DKK2: variants seen among roughly 807,000 people sequenced by gnomAD.
DKK2 encodes the protein dickkopf Wnt signaling pathway inhibitor 2.
Under a neutral mutation model 28.1 loss-of-function variants are expected in DKK2, and 11 were observed. The observed-to-expected ratio is 0.39, with a 90% CI of 0.25 to 0.65. DKK2 has a LOEUF of 0.65. Ranked by LOEUF, DKK2 falls within the 30% of genes least tolerant of loss-of-function variation. The pLI is 0.47. For synonymous variants in DKK2, 135 were observed against 126.5 expected (o/e 1.07, Z -0.45); for missense variants, 326 against 335.5 (o/e 0.97, Z 0.22).
At chr4:106,987,036 G>T (rs1723129585) in intron 1 of DKK2, among the ~76,000 whole-genome samples, 1 of 152,156 alleles carries the variant, frequency 6.6e-6, no homozygotes, top group Non-Finnish European at 1.5e-5. Context: ...AATAGCAAAG[G>T]CAGATTTTTT....
intron 1 of DKK2, among the ~76,000 whole-genome samples, chr4:107,013,636 A>C (rs559516029): frequency 6.6e-6 from 1 of 151,668 alleles, no homozygotes; most frequent in African/African-American, 2.4e-5. Flanking sequence ...CTGGGCAATA[A>C]ATTTTTAGAT....
At chr4:106,978,250 T>C (rs1308472330) in intron 1 of DKK2, among the ~76,000 whole-genome samples, 1 of 152,162 alleles carries the variant, frequency 6.6e-6, no homozygotes, top group Non-Finnish European at 1.5e-5. Context: ...GTCTGTCCCT[T>C]AGCAGAGCTC....
At chr4:106,951,357 C>T (rs938554168) in intron 1 of DKK2, among the ~76,000 whole-genome samples, 26 of 152,010 alleles carry the variant, frequency 1.7e-4, no homozygotes, top group Admixed American at 7.9e-4. Context: ...GAAAAGAAAT[C>T]GATATATCAA....
intron 1 of DKK2, among the ~76,000 whole-genome samples, chr4:106,957,824 AG>A (rs2110349143): frequency 6.7e-6 from 1 of 149,878 alleles, no homozygotes; most frequent in East Asian, 2.0e-4. Flanking sequence ...TAATGGGTGC[AG>A]CACACCAGCA....
chr4:107,013,196 G>C (rs912023494), intron 1 of DKK2, among the ~76,000 whole-genome samples: 3 of 151,052 alleles, frequency 2.0e-5, no homozygotes, highest in Non-Finnish European at 3.0e-5. Context: ...CCTAAAACTT[G>C]TATAGAACCA....
At chr4:106,948,427 G>A (rs764698007) in intron 1 of DKK2, among the ~76,000 whole-genome samples, 22 of 152,114 alleles carry the variant, frequency 1.4e-4, no homozygotes, top group Non-Finnish European at 2.8e-4. Context: ...TTAATTATAG[G>A]TTTTATTAAC....
rs926556176 is a variant in DKK2, at chr4:106,982,171, C to T, written c.222+53199G>A. On this transcript the variant is annotated intron_variant, in intron 1 of 3. Transcript: ENST00000285311. ...CACTCTGTGATTATTTCGTTTATTT[C>T]GTTGGTTATTTTATTTGTCTATCAC... Among the ~76,000 whole-genome samples the T allele has an allele frequency of 1.6e-4, 25 of 152,166 alleles. 1 individual carries two copies. The highest frequency in any genetic ancestry group is 8.3e-4 in the South Asian group (4 of 4,820).
At chr4:106,924,246 G>GAAA in intron 3 of DKK2, 42 bp from the exon 4 acceptor site, 1 of 1,493,894 alleles carries the variant, frequency 6.7e-7, no homozygotes, top group Non-Finnish European at 9.0e-7. Flanking sequence ...TGACACTTCA[G>GAAA]AAAAAAAAAA....
At chr4:106,994,292 C>T (rs1406750240) in intron 1 of DKK2, among the ~76,000 whole-genome samples, 1 of 152,176 alleles carries the variant, frequency 6.6e-6, no homozygotes, top group Non-Finnish European at 1.5e-5. Flanking sequence ...CTGGCTATTT[C>T]TGAAGGCAAA....
intron 1 of DKK2, among the ~76,000 whole-genome samples, chr4:107,034,875 C>T (rs180901911): frequency 6.6e-6 from 1 of 152,282 alleles, no homozygotes; most frequent in East Asian, 1.9e-4. Flanking sequence ...AGCTGTGTGC[C>T]TTGGGCAAAT....
chr4:106,985,037 G>A (rs953084733), intron 1 of DKK2, among the ~76,000 whole-genome samples: 4 of 151,846 alleles, frequency 2.6e-5, no homozygotes, highest in African/African-American at 9.7e-5. Flanking sequence ...GTGAAACCCC[G>A]TCTCTACTAA....
rs202181785 is a variant in DKK2, at chr4:106,925,954, C to T, written c.223-5G>A. ...ATCACTGCTACAAGGGTAGGCCTGT[C>T]ATCAAGTGGAACAACACCAGAAGTA... On this transcript the variant is annotated splice_region_variant and splice_polypyrimidine_tract_variant and intron_variant, in intron 1 of 3. Coordinates refer to ENST00000285311, the MANE Select transcript of DKK2 (RefSeq NM_014421.3). 148 of 1,597,272 alleles carry T rather than the reference C, an allele frequency of 9.3e-5. No individual in the cohort carries two copies. The highest frequency in any genetic ancestry group is 1.2e-4 in the Non-Finnish European group (145 of 1,174,444).
chr4:107,000,617 A>G (rs1302100519), intron 1 of DKK2, among the ~76,000 whole-genome samples: 1 of 152,208 alleles, frequency 6.6e-6, no homozygotes, highest in Non-Finnish European at 1.5e-5. Context: ...TGCTAATTGA[A>G]GGGACCCTGT....
intron 1 of DKK2, among the ~76,000 whole-genome samples, chr4:106,947,668 T>C (rs1171804687): frequency 2.0e-5 from 3 of 151,228 alleles, no homozygotes; most frequent in African/African-American, 7.3e-5. Context: ...ATCTTTTTTC[T>C]TTCTTTCTTT....
intron 1 of DKK2, among the ~76,000 whole-genome samples, chr4:106,950,302 T>A (rs1444878206): frequency 1.3e-5 from 2 of 152,148 alleles, no homozygotes; most frequent in Admixed American, 6.6e-5. Context: ...TTAAGTCCAT[T>A]AGCAAATTTG....
chr4:107,033,437 G>T (rs564483968), intron 1 of DKK2, among the ~76,000 whole-genome samples: 1 of 152,054 alleles, frequency 6.6e-6, no homozygotes, highest in Non-Finnish European at 1.5e-5. Flanking sequence ...ATTTTATACC[G>T]ATTTATATAC....
At chr4:106,933,652 T>C (rs1429809524) in intron 1 of DKK2, among the ~76,000 whole-genome samples, 1 of 152,202 alleles carries the variant, frequency 6.6e-6, no homozygotes, top group Non-Finnish European at 1.5e-5. Flanking sequence ...AAAACACTCT[T>C]CTTCCCCATA....
chr4:106,983,044 A>C (rs570311001), intron 1 of DKK2, among the ~76,000 whole-genome samples: 3 of 151,612 alleles, frequency 2.0e-5, no homozygotes, highest in Admixed American at 2.0e-4. Flanking sequence ...AGATGAAAGA[A>C]AGAAAGAAAG....
intron 1 of DKK2, among the ~76,000 whole-genome samples, chr4:106,936,174 C>T (rs148147308): frequency 0.021 from 3,261 of 151,802 alleles, 54 homozygotes; most frequent in Non-Finnish European, 0.032. Flanking sequence ...CTTTGAGCTA[C>T]GGGAGGACAT....
Sources: allele counts gnomAD v4.1 joint callset (sites outside exome capture counted in the v4.1 genomes callset), GRCh38; gene constraint gnomAD v4.1.1; transcripts MANE v1.5; gene names NCBI Gene and HGNC (gene_info 2026-07-23, HGNC 2026-07-21).